GNG4: variants seen among roughly 807,000 people sequenced by gnomAD.
GNG4 encodes the protein guanine nucleotide-binding protein G(I)/G(S)/G(O) subunit gamma-4.
GNG4 carries 4 observed loss-of-function variants against 5.8 expected under a neutral mutation model. That is an observed-to-expected ratio of 0.69 (90% CI 0.34 to 1.57). GNG4 has a LOEUF of 1.57. Ranked by LOEUF, GNG4 falls within the 40% of genes most tolerant of loss-of-function variation. The pLI, the probability that GNG4 is intolerant of heterozygous loss-of-function variation, is 0.06. For missense variants in GNG4, 96 were observed against 95.1 expected (o/e 1.01, Z -0.04); for synonymous variants, 29 against 32.9 (o/e 0.88, Z 0.41).
intron 3 of GNG4, among the ~76,000 whole-genome samples, chr1:235,564,197 A>G (rs2102920760): frequency 6.6e-6 from 1 of 152,324 alleles, no homozygotes; most frequent in African/African-American, 2.4e-5. Context: ...GTTCTCATTT[A>G]TAACTGGGAG....
chr1:235,576,905 A>C (rs1687496626), intron 3 of GNG4, among the ~76,000 whole-genome samples: 2 of 152,202 alleles, frequency 1.3e-5, no homozygotes, highest in South Asian at 4.1e-4. Context: ...GGGGACAAGC[A>C]GAACTTCAAG....
intron 1 of GNG4, among the ~76,000 whole-genome samples, chr1:235,621,582 A>T: frequency 6.6e-6 from 1 of 152,058 alleles, no homozygotes; most frequent in Non-Finnish European, 1.5e-5. Flanking sequence ...GGTGTGAGCC[A>T]CTGCACCTGG....
intron 1 of GNG4, among the ~76,000 whole-genome samples, chr1:235,637,388 C>G (rs959527533): frequency 6.6e-6 from 1 of 152,150 alleles, no homozygotes; most frequent in Non-Finnish European, 1.5e-5. Context: ...CGCGGTGGCT[C>G]ACACCTGTAA....
intron 1 of GNG4, among the ~76,000 whole-genome samples, chr1:235,604,030 G>A (rs765748931): frequency 1.2e-4 from 18 of 152,144 alleles, no homozygotes; most frequent in Non-Finnish European, 2.2e-4. Flanking sequence ...CTTCGGCCTT[G>A]CAGGTAGAAA....
At chr1:235,588,296 C>T (rs904134168) in intron 2 of GNG4, among the ~76,000 whole-genome samples, 2 of 151,290 alleles carry the variant, frequency 1.3e-5, no homozygotes, top group African/African-American at 2.4e-5. Flanking sequence ...CCCTCTCAGG[C>T]CCTCCATGTG....
intron 1 of GNG4, among the ~76,000 whole-genome samples, chr1:235,614,120 T>C (rs1172013480): frequency 6.6e-6 from 1 of 152,214 alleles, no homozygotes; most frequent in African/African-American, 2.4e-5. Context: ...GCCTAGATTC[T>C]CCATTTCTTC....
chr1:235,567,591 T>G (rs947734250), intron 3 of GNG4, among the ~76,000 whole-genome samples: 1 of 152,234 alleles, frequency 6.6e-6, no homozygotes, highest in Non-Finnish European at 1.5e-5. Context: ...CTTATTTCTC[T>G]TAGCATAGTG....
intron 1 of GNG4, among the ~76,000 whole-genome samples, chr1:235,623,553 C>T (rs545710526): frequency 5.9e-5 from 9 of 152,244 alleles, no homozygotes; most frequent in South Asian, 2.1e-4. Flanking sequence ...GCAGGAGAGA[C>T]GGGCTGTAGC....
intron 1 of GNG4, among the ~76,000 whole-genome samples, chr1:235,637,773 G>A (rs141359675): frequency 1.6e-4 from 25 of 152,302 alleles, no homozygotes; most frequent in Non-Finnish European, 3.1e-4. Context: ...CCAGATGTCT[G>A]CCCTTCACTA....
At chr1:235,583,712 A>G in intron 3 of GNG4, 28 bp downstream of exon 3, 1 of 1,414,724 alleles carries the variant, frequency 7.1e-7, no homozygotes, top group South Asian at 1.2e-5. Flanking sequence ...CTTCGGGCGG[A>G]GGGTGGGGCT....
intron 3 of GNG4, among the ~76,000 whole-genome samples, chr1:235,579,108 A>C (rs960371271): frequency 5.9e-5 from 9 of 152,094 alleles, no homozygotes; most frequent in Non-Finnish European, 1.2e-4. Context: ...AAAAAAAAAA[A>C]AAAAAATTCA....
intron 1 of GNG4, among the ~76,000 whole-genome samples, chr1:235,609,481 T>G (rs889551609): frequency 1.3e-5 from 2 of 152,214 alleles, no homozygotes; most frequent in Non-Finnish European, 2.9e-5. Flanking sequence ...GATTCGCATT[T>G]GCCTAATGAC....
chr1:235,574,823 C>A (rs1051713455), intron 3 of GNG4, among the ~76,000 whole-genome samples: 1 of 151,814 alleles, frequency 6.6e-6, no homozygotes, highest in Non-Finnish European at 1.5e-5. Context: ...CGACACAATC[C>A]TTTCTTTCTT....
At chr1:235,598,513 G>A (rs982216376) in intron 1 of GNG4, among the ~76,000 whole-genome samples, 7 of 152,142 alleles carry the variant, frequency 4.6e-5, no homozygotes, top group Admixed American at 2.0e-4. Context: ...GGAGGCTGAG[G>A]CAGGAGGATC....
At chr1:235,552,310 C>T (rs776322225) in intron 3 of GNG4, 73 bp from the exon 4 acceptor site, 39 of 1,398,764 alleles carry the variant, frequency 2.8e-5, no homozygotes, top group Admixed American at 1.0e-4. Context: ...GAGGTGTCCA[C>T]GTACAGAGGG....
intron 1 of GNG4, among the ~76,000 whole-genome samples, chr1:235,635,586 C>T (rs1041196035): frequency 1.2e-3 from 18 of 15,324 alleles, no homozygotes; most frequent in Non-Finnish European, 1.6e-3. Flanking sequence ...TGAGGCCTCC[C>T]CAGAAGCAGA....
At chr1:235,581,648 T>C (rs960980872) in intron 3 of GNG4, among the ~76,000 whole-genome samples, 3 of 151,940 alleles carry the variant, frequency 2.0e-5, no homozygotes, top group Non-Finnish European at 4.4e-5. Flanking sequence ...CCCTCCGCCC[T>C]GAGAAGCCAA....
chr1:235,580,505 C>T (rs906633253), intron 3 of GNG4, among the ~76,000 whole-genome samples: 4 of 152,228 alleles, frequency 2.6e-5, no homozygotes, highest in Admixed American at 6.5e-5. Flanking sequence ...TGTGTGCTCA[C>T]GCATCTTTGG....
chr1:235,550,412 G>T lies in GNG4; in HGVS notation c.*1697C>A, dbSNP rs1428922892. ...GTTCAGGGGGCTAAGGGAACTCTGG[G>T]GCCGGGCTGCCTGCCCTCAAATCCC... On this transcript the variant is annotated 3_prime_UTR_variant, in exon 4 of 4. Transcript: ENST00000391854. 1 of 152,332 alleles carries T rather than the reference G, an allele frequency of 6.6e-6. No homozygotes were observed. Among genetic ancestry groups the T allele is most frequent in the Admixed American group, 6.5e-5 (1 of 15,280 alleles). 9.4% of individuals were successfully genotyped at this position (152,332 alleles called of 1,614,324 possible).
Sources: gnomAD v4.1 joint callset for allele counts (sites outside exome capture counted in the v4.1 genomes callset) on GRCh38, gnomAD v4.1.1 for gene constraint, MANE v1.5 for transcripts, NCBI Gene and HGNC (gene_info 2026-07-23, HGNC 2026-07-21) for gene names.